The following DMRT1 variants were observed in gnomAD, a reference collection of about 807,000 sequenced individuals.
DMRT1 encodes doublesex and mab-3 related transcription factor 1, also known as doublesex- and mab-3-related transcription factor 1.
DMRT1 carries 7 observed loss-of-function variants against 32.3 expected under a neutral mutation model. The observed-to-expected ratio is 0.22, with a 90% confidence interval of 0.12 to 0.41. The LOEUF is 0.41. Among genes scored for constraint, DMRT1 ranks in the 10% least tolerant of loss-of-function variants. The pLI, the probability that DMRT1 is intolerant of heterozygous loss-of-function variation, is 1.00. For synonymous variants in DMRT1, 278 were observed against 206.1 expected (o/e 1.35, Z -2.99); for missense variants, 625 against 500.5 (o/e 1.25, Z -2.37).
intron 2 of DMRT1, among the ~76,000 whole-genome samples, chr9:850,124 T>C (rs10815859): frequency 0.7 from 106,256 of 152,050 alleles, 37,986 homozygotes; most frequent in Middle Eastern, 0.78. Context: ...CAGCTGACAA[T>C]AGGCTCTCTG....
At chr9:928,708 C>T (rs760352778) in intron 4 of DMRT1, among the ~76,000 whole-genome samples, 13 of 151,968 alleles carry the variant, frequency 8.6e-5, no homozygotes, top group South Asian at 2.1e-4. Context: ...ATTAAGATTT[C>T]GAGATAAAAT....
intron 4 of DMRT1, among the ~76,000 whole-genome samples, chr9:957,460 CTGT>C (rs1401774195): frequency 1.3e-5 from 2 of 152,210 alleles, no homozygotes; most frequent in African/African-American, 4.8e-5. Flanking sequence ...ACAGTCTGTG[CTGT>C]TATTTTCTTA....
intron 4 of DMRT1, among the ~76,000 whole-genome samples, chr9:922,704 C>A (rs888154841): frequency 1.3e-5 from 2 of 152,106 alleles, no homozygotes; most frequent in African/African-American, 4.8e-5. Context: ...CTTTTGGTTC[C>A]GTCTCAGAGT....
chr9:964,956 A>C (rs1047794026), intron 4 of DMRT1, among the ~76,000 whole-genome samples: 12 of 152,224 alleles, frequency 7.9e-5, no homozygotes, highest in Non-Finnish European at 1.5e-4. Context: ...TTGAGTTGAA[A>C]TTAGCCTGGT....
chr9:853,509 G>C (rs1404700318), intron 2 of DMRT1, among the ~76,000 whole-genome samples: 1 of 136,042 alleles, frequency 7.4e-6, no homozygotes, highest in Non-Finnish European at 1.6e-5. Flanking sequence ...TCTTGATCTT[G>C]TCTCCCAGGC....
At chr9:844,837 C>T (rs181248852) in intron 1 of DMRT1, among the ~76,000 whole-genome samples, 305 of 151,450 alleles carry the variant, frequency 2.0e-3, no homozygotes, top group Non-Finnish European at 3.4e-3. Context: ...TCTTCTGCCT[C>T]GGCCTCCCGA....
chr9:911,293 G>A (rs1045106897), intron 3 of DMRT1, among the ~76,000 whole-genome samples: 1 of 152,046 alleles, frequency 6.6e-6, no homozygotes, highest in Non-Finnish European at 1.5e-5. Flanking sequence ...GGATCAGACT[G>A]CCCCTAGTTC....
At chr9:844,797 G>T (rs10976990) in intron 1 of DMRT1, among the ~76,000 whole-genome samples, 66,145 of 148,620 alleles carry the variant, frequency 0.45, 15,769 homozygotes, top group Non-Finnish European at 0.54. Context: ...TTCAGCTCAC[G>T]GCAACCTCCG....
At chr9:930,650 T>C (rs373978719) in intron 4 of DMRT1, among the ~76,000 whole-genome samples, 94 of 152,148 alleles carry the variant, frequency 6.2e-4, no homozygotes, top group Non-Finnish European at 1.1e-3. Flanking sequence ...CCTCGTGATC[T>C]GCCTGCCTCA....
intron 2 of DMRT1, among the ~76,000 whole-genome samples, chr9:891,592 C>A (rs767417662): frequency 6.6e-6 from 1 of 151,492 alleles, no homozygotes; most frequent in African/African-American, 2.4e-5. Context: ...TCGTCTCACT[C>A]CAACCTCTGT....
intron 2 of DMRT1, among the ~76,000 whole-genome samples, chr9:864,330 A>G (rs1020424023): frequency 6.8e-6 from 1 of 146,650 alleles, no homozygotes; most frequent in Non-Finnish European, 1.5e-5. Context: ...CAGCCTGCCG[A>G]GTAGCTGGGA....
chr9:842,034 G>C lies in DMRT1; in HGVS notation c.196G>C (p.Gly66Arg). The C allele has an allele frequency of 1.3e-6, 2 of 1,547,382 alleles. No homozygotes were observed. Among genetic ancestry groups the C allele is most frequent in the Non-Finnish European group, 1.7e-6 (2 of 1,149,120 alleles). ...SGSGASDLGAGSKKSPRLPKC... is the reference protein window; with the variant it reads ...SGSGASDLGARSKKSPRLPKC... Reference sequence around the variant, plus strand: ...CTCCGGGGCGTCGGACCTGGGTGCCGGGAGCAAGAAGTCCCCGCGGCTGCC... The same window carrying C: ...CTCCGGGGCGTCGGACCTGGGTGCCCGGAGCAAGAAGTCCCCGCGGCTGCC... The change falls in exon 1 of 5, where the codon GGG becomes CGG. Residue 66 changes from glycine to arginine, a missense_variant. By Grantham distance (125) the Gly-to-Arg change is moderately radical (BLOSUM62 -2). Around this residue, in one of 3 missense-constraint regions of DMRT1, gnomAD observed 201 missense variants for 152.0 expected, o/e 1.32. Transcript: ENST00000382276.
intron 4 of DMRT1, among the ~76,000 whole-genome samples, chr9:935,778 G>T (rs756153453): frequency 7.9e-5 from 12 of 152,108 alleles, no homozygotes; most frequent in Non-Finnish European, 1.8e-4. Flanking sequence ...CCATCCAAGT[G>T]GTCTTTTGAG....
intron 4 of DMRT1, among the ~76,000 whole-genome samples, chr9:926,429 G>C (rs1319447659): frequency 1.3e-5 from 2 of 151,970 alleles, no homozygotes; most frequent in East Asian, 3.8e-4. Context: ...TTTTCCCTGT[G>C]GGCATCAGCT....
intron 4 of DMRT1, among the ~76,000 whole-genome samples, chr9:951,622 A>T (rs1819429867): frequency 1.3e-5 from 2 of 152,184 alleles, no homozygotes; most frequent in Admixed American, 6.5e-5. Context: ...CTCTTGGGTA[A>T]ATTAGTTTAA....
chr9:957,110 T>A (rs138726623), intron 4 of DMRT1, among the ~76,000 whole-genome samples: 4,415 of 152,238 alleles, frequency 0.029, 96 homozygotes, highest in Non-Finnish European at 0.039. Context: ...CCGCCAGTAG[T>A]CCCCAGTGTT....
chr9:887,834 C>T (rs1176146018), intron 2 of DMRT1, among the ~76,000 whole-genome samples: 1 of 152,074 alleles, frequency 6.6e-6, no homozygotes, highest in Non-Finnish European at 1.5e-5. Flanking sequence ...CTAATTTCCC[C>T]AAATAGATGG....
chr9:891,938 G>A (rs1444104531), intron 2 of DMRT1, among the ~76,000 whole-genome samples: 2 of 152,192 alleles, frequency 1.3e-5, no homozygotes, highest in South Asian at 2.1e-4. Context: ...TGCTAAGCAC[G>A]GAGGACACAG....
At chr9:863,916 A>G (rs539924861) in intron 2 of DMRT1, among the ~76,000 whole-genome samples, 9 of 152,164 alleles carry the variant, frequency 5.9e-5, no homozygotes, top group African/African-American at 2.2e-4. Flanking sequence ...GAATTTCCTT[A>G]TTTATTGTGG....
Sources: gnomAD v4.1 joint callset for allele counts (sites outside exome capture counted in the v4.1 genomes callset) on GRCh38, gnomAD v4.1.1 for gene constraint, gnomAD v4.1.1 regional missense constraint, MANE v1.5 for transcripts, NCBI Gene and HGNC (gene_info 2026-07-23, HGNC 2026-07-21) for gene names.